Variants in PARD3B observed in about 807,000 individuals in gnomAD.
PARD3B encodes the protein partitioning defective 3 homolog B.
Under a neutral mutation model 130.2 loss-of-function variants are expected in PARD3B, and 103 were observed. The observed-to-expected ratio is 0.79, with a 90% CI of 0.67 to 0.93. The LOEUF (loss-of-function observed/expected upper bound fraction) is 0.93, where lower values mean the gene tolerates loss of function less well. Ranked by LOEUF, PARD3B falls within the 40% of genes least tolerant of loss-of-function variation. The pLI is 0.00. For synonymous variants in PARD3B, 583 were observed against 553.2 expected (o/e 1.05, Z -0.76); for missense variants, 1,609 against 1,499.2 (o/e 1.07, Z -1.21).
chr2:205,182,410 C>G (rs891094783), intron 13 of PARD3B, among the ~76,000 whole-genome samples: 2 of 149,400 alleles, frequency 1.3e-5, no homozygotes, highest in Non-Finnish European at 3.0e-5. Flanking sequence ...CACTGAAAAA[C>G]ACATAAACAC....
chr2:205,494,598 A>G (rs1344325754), intron 20 of PARD3B, among the ~76,000 whole-genome samples: 1 of 152,174 alleles, frequency 6.6e-6, no homozygotes, highest in East Asian at 1.9e-4. Flanking sequence ...ATGTATTTCT[A>G]TTACTTTGGT....
chr2:205,533,224 C>G (rs1021919800), intron 21 of PARD3B, among the ~76,000 whole-genome samples: 1 of 143,302 alleles, frequency 7.0e-6, no homozygotes, highest in Admixed American at 7.0e-5. Flanking sequence ...GTATTCTCTT[C>G]TCCCAAAGGA....
At chr2:204,921,424 C>A (rs1338894660) in intron 2 of PARD3B, among the ~76,000 whole-genome samples, 4 of 152,004 alleles carry the variant, frequency 2.6e-5, no homozygotes, top group African/African-American at 7.2e-5. Context: ...TCATTTTAGA[C>A]AAATATAATC....
chr2:205,180,551 G>A (rs745848642), intron 13 of PARD3B, among the ~76,000 whole-genome samples: 1 of 151,494 alleles, frequency 6.6e-6, no homozygotes, highest in South Asian at 2.1e-4. Context: ...GTAATGTCTA[G>A]TGAGGAGAGG....
chr2:205,552,298 G>GT (rs1159624454), intron 21 of PARD3B, among the ~76,000 whole-genome samples: 22 of 119,870 alleles, frequency 1.8e-4, no homozygotes, highest in Non-Finnish European at 3.0e-4. Context: ...GAGAACTGAG[G>GT]TTCAGGGTGG....
rs1228232108 is a variant in PARD3B, at chr2:205,183,204, G to A, written c.1925-2560G>A. ...TACTGAGGCAGGAACACCCAGGGGT[G>A]TTGGCAGGGAATGGTAAGCTAACGG... On this transcript the variant is annotated intron_variant, in intron 13 of 22. Transcript: ENST00000406610. The surrounding 1 kb of genome is among the most constrained non-coding windows in gnomAD (Gnocchi z 5.2). 6.6e-6 allele frequency among the ~76,000 whole-genome samples: 1 copy of A among 152,192 alleles called. No individual in the cohort carries two copies. The highest frequency in any genetic ancestry group is 1.9e-4 in the East Asian group (1 of 5,190).
rs948939009 is a variant in PARD3B, at chr2:205,146,608, G to A, written c.1435-12114G>A. ...GGAGCTTGCAGTGAGCCGAGATAGC[G>A]CCACTGCACTCCAGCCTGGGCGACA... On this transcript the variant is annotated intron_variant, in intron 10 of 22. Transcript: ENST00000406610. This position sits in a 1 kb window ranked among gnomAD's most constrained non-coding sequence, Gnocchi z 4.3. Among the ~76,000 whole-genome samples the A allele has an allele frequency of 7.9e-5, 12 of 151,778 alleles. No homozygotes were observed. Among genetic ancestry groups the A allele is most frequent in the Middle Eastern group, 3.4e-3 (1 of 292 alleles).
intron 20 of PARD3B, among the ~76,000 whole-genome samples, chr2:205,497,813 A>G (rs994640573): frequency 6.6e-6 from 1 of 152,160 alleles, no homozygotes; most frequent in Non-Finnish European, 1.5e-5. Flanking sequence ...ATAAGATGTT[A>G]TCAATTGAGT....
At chr2:205,279,544 T>C (rs2041107999) in intron 16 of PARD3B, among the ~76,000 whole-genome samples, 1 of 152,210 alleles carries the variant, frequency 6.6e-6, no homozygotes, top group African/African-American at 2.4e-5. Context: ...TAAATGGATG[T>C]CATACCATTT....
At chr2:204,642,505 T>G (rs2125155082) in intron 1 of PARD3B, among the ~76,000 whole-genome samples, 1 of 152,290 alleles carries the variant, frequency 6.6e-6, no homozygotes, top group South Asian at 2.1e-4. Flanking sequence ...TTAGAATTGG[T>G]TTCATGATGC....
intron 16 of PARD3B, among the ~76,000 whole-genome samples, chr2:205,254,405 A>G (rs1330190842): frequency 2.0e-5 from 3 of 152,124 alleles, no homozygotes; most frequent in Admixed American, 2.0e-4. Flanking sequence ...TTTATTTCTA[A>G]AATCTGATAA....
intron 3 of PARD3B, among the ~76,000 whole-genome samples, chr2:204,970,880 A>T (rs1051091674): frequency 6.6e-6 from 1 of 152,138 alleles, no homozygotes; most frequent in African/African-American, 2.4e-5. Flanking sequence ...GCTACTTTCT[A>T]TTTGAAAGTG....
At chr2:204,592,617 G>A (rs1253607943) in intron 1 of PARD3B, among the ~76,000 whole-genome samples, 1 of 151,910 alleles carries the variant, frequency 6.6e-6, no homozygotes, top group Non-Finnish European at 1.5e-5. Flanking sequence ...CAGCTTTATT[G>A]GTGTATAATT....
intron 18 of PARD3B, among the ~76,000 whole-genome samples, chr2:205,349,820 T>TA (rs55951548): frequency 7.2e-6 from 1 of 139,556 alleles, no homozygotes; most frequent in African/African-American, 2.7e-5. Flanking sequence ...TTTTTTTTTT[T>TA]AAAAAAAGAG....
At position 205,128,876 on chromosome 2, in the gene PARD3B, CCAGT is replaced by C. The variant is rs1285529979; in HGVS notation, c.1434+3142_1434+3145del. Among the ~76,000 whole-genome samples, 5 of 151,938 alleles carry C rather than the reference CCAGT, an allele frequency of 3.3e-5. No individual in the cohort carries two copies. The highest frequency in any genetic ancestry group is 1.2e-4 in the African/African-American group (5 of 41,364). ...TGAGTTAAAAACAACATTTTTATAA[CCAGT>C]CAAATTGATAAGGGAGGCAGCTGTA... On this transcript the variant is annotated intron_variant, in intron 10 of 22. Transcript: ENST00000406610. The surrounding 1 kb of genome is among the most constrained non-coding windows in gnomAD (Gnocchi z 4.5).
intron 4 of PARD3B, among the ~76,000 whole-genome samples, chr2:205,054,562 A>G (rs988934973): frequency 6.0e-5 from 9 of 149,814 alleles, no homozygotes; most frequent in African/African-American, 2.0e-4. Context: ...CGTCATTTAC[A>G]TTAGGTATAT....
chr2:204,876,788 C>T (rs182624770), intron 2 of PARD3B, among the ~76,000 whole-genome samples: 87 of 152,166 alleles, frequency 5.7e-4, no homozygotes, highest in Admixed American at 1.8e-3. Context: ...TATTGTCTGA[C>T]GTCTTGACTG....
chr2:204,809,080 T>G (rs962534303), intron 2 of PARD3B, among the ~76,000 whole-genome samples: 6 of 152,128 alleles, frequency 3.9e-5, no homozygotes, highest in Non-Finnish European at 8.8e-5. Context: ...GTGTTTTCTT[T>G]TGAACAGTGC....
intron 16 of PARD3B, among the ~76,000 whole-genome samples, chr2:205,246,329 A>G (rs1392716267): frequency 6.6e-6 from 1 of 151,054 alleles, no homozygotes; most frequent in Non-Finnish European, 1.5e-5. Context: ...CTCCCTAGAT[A>G]TTCTCTAGGA....
Sources: allele counts gnomAD v4.1 joint callset (sites outside exome capture counted in the v4.1 genomes callset), GRCh38; gene constraint gnomAD v4.1.1; non-coding constraint Gnocchi (gnomAD v3.1); transcripts MANE v1.5; gene names NCBI Gene and HGNC (gene_info 2026-07-23, HGNC 2026-07-21).